Variants in LIPT1 observed in about 807,000 individuals in gnomAD.
LIPT1 encodes lipoyl amidotransferase LIPT1, mitochondrial.
A neutral mutation model predicts 25.1 loss-of-function variants in LIPT1; 22 were observed. That is an observed-to-expected ratio of 0.88 (90% CI 0.63 to 1.25). The LOEUF is 1.25. Ranked by LOEUF, LIPT1 falls within the 50% of genes most tolerant of loss-of-function variation. The pLI is 0.00. For synonymous variants in LIPT1, 131 were observed against 150.8 expected, an observed-to-expected ratio of 0.87 and a Z score of 0.96; for missense variants, 399 against 432.8, an observed-to-expected ratio of 0.92 and a Z score of 0.69.
chr2:99,155,108 G>GC (rs2093736524), intron 1 of LIPT1, 57 bp downstream of exon 1: 2 of 452,910 alleles, frequency 4.4e-6, no homozygotes. Flanking sequence ...CGCGTGGGCG[G>GC]CCGTGGGGTC....
Position 99,157,317 on chromosome 2 carries a change from C to T in LIPT1, c.-2+2266C>T, listed in dbSNP as rs115350396. Among the ~76,000 whole-genome samples the T allele has an allele frequency of 9.6e-3, 1,469 of 152,326 alleles. 15 individuals carry two copies. The highest frequency in any genetic ancestry group is 0.034 in the African/African-American group (1,395 of 41,574). On this transcript the variant is annotated intron_variant, in intron 1 of 1. Transcript: ENST00000651691. ...TCCTTTAAGGCTGCCCCTACCTGAA[C>T]TCTGGATCCCAGTACCATCACTTTC...
In LIPT1 at chr2:99,161,952, A is replaced by G. The variant is rs2093796541; in HGVS notation, c.-1-5A>G. The G allele has an allele frequency of 6.4e-7, 1 of 1,562,408 alleles. No individual in the cohort carries two copies. Among genetic ancestry groups the G allele is most frequent in the Non-Finnish European group, 8.7e-7 (1 of 1,155,300 alleles). On this transcript the variant is annotated splice_polypyrimidine_tract_variant and splice_region_variant and intron_variant, in intron 1 of 1. Transcript: ENST00000651691. ...ATTAATTTGTTTGTCTTCCATTTTT[A>G]AAAGCATGCTGATCCCATTTTCAAT...
At chr2:99,156,102 C>T (rs2516827) in intron 1 of LIPT1, among the ~76,000 whole-genome samples, 89,870 of 151,964 alleles carry the variant, frequency 0.59, 27,518 homozygotes, top group East Asian at 0.88. Flanking sequence ...CGGGGTTCAA[C>T]TGAAATGTCA....
At chr2:99,157,149 G>A (rs2093761257) in intron 1 of LIPT1, among the ~76,000 whole-genome samples, 1 of 152,176 alleles carries the variant, frequency 6.6e-6, no homozygotes, top group African/African-American at 2.4e-5. Flanking sequence ...TAACTACTTT[G>A]CCATCCTGCC....
At chr2:99,157,027 T>G (rs540658394) in intron 1 of LIPT1, among the ~76,000 whole-genome samples, 1 of 152,334 alleles carries the variant, frequency 6.6e-6, no homozygotes, top group South Asian at 2.1e-4. Flanking sequence ...TTAACACATT[T>G]AATTCTCTCA....
chr2:99,157,422 T>C (rs1254575418), intron 1 of LIPT1, among the ~76,000 whole-genome samples: 2 of 152,190 alleles, frequency 1.3e-5, no homozygotes, highest in Non-Finnish European at 2.9e-5. Context: ...TATTGCATCT[T>C]AAGTCCTCTC....
At chr2:99,158,659 C>A (rs1180173222) in intron 1 of LIPT1, among the ~76,000 whole-genome samples, 1 of 152,108 alleles carries the variant, frequency 6.6e-6, no homozygotes, top group East Asian at 1.9e-4. Context: ...TCCTAATAAC[C>A]AGCCAGTAGA....
At chr2:99,155,739 T>TA (rs888487666) in intron 1 of LIPT1, among the ~76,000 whole-genome samples, 1 of 152,004 alleles carries the variant, frequency 6.6e-6, no homozygotes, top group African/African-American at 2.4e-5. Context: ...GAGCATAGAA[T>TA]AAAAAAAGAG....
At chr2:99,155,177 G>A in intron 1 of LIPT1, 126 bp downstream of exon 1, 1 of 415,108 alleles carries the variant, frequency 2.4e-6, no homozygotes. Context: ...CTCCGCCGGT[G>A]TTGAAGCCTC....
intron 1 of LIPT1, 112 bp from the exon 2 acceptor site, chr2:99,161,839 AGCAACT>A (rs2093795225): frequency 3.6e-6 from 3 of 842,642 alleles, no homozygotes. Context: ...AAAAGCCAAA[AGCAACT>A]GCACTGGATA....
In LIPT1 at chr2:99,162,086, A is replaced by C; in HGVS notation, c.129A>C (p.Gln43His). 2 of 1,614,184 alleles carry C rather than the reference A, an allele frequency of 1.2e-6. No homozygotes were observed. The highest frequency in any genetic ancestry group is 1.7e-6 in the Non-Finnish European group (2 of 1,180,038). ...ILQSISNDVY[Q>H]NLAVEDWIHD... is the part of the protein sequence containing the mutation. ...AGTCAATTTCCAATGATGTCTATCA[A>C]AATCTGGCTGTGGAAGACTGGATCC... is the stretch of plus-strand genomic sequence containing the variant. Residue 43 changes from glutamine (Q) to histidine (H), a missense_variant, in exon 2 of 2, where the codon CAA becomes CAC. Transcript: ENST00000651691.
intron 1 of LIPT1, among the ~76,000 whole-genome samples, chr2:99,158,461 G>A (rs1336519453): frequency 2.0e-5 from 3 of 149,992 alleles, no homozygotes; most frequent in Non-Finnish European, 4.4e-5. Flanking sequence ...ATAGCCAGGC[G>A]TGGTGGCACA....
intron 1 of LIPT1, among the ~76,000 whole-genome samples, chr2:99,160,055 G>A (rs2093776550): frequency 6.6e-6 from 1 of 152,222 alleles, no homozygotes; most frequent in South Asian, 2.1e-4. Flanking sequence ...TACAACAAGA[G>A]TGATGAAAAT....
rs889847747 is a variant in LIPT1 at position 99,154,972 on chromosome 2, C to A, written c.-81C>A. On this transcript the variant is annotated 5_prime_UTR_variant, in exon 1 of 2. In the 5' UTR this introduces an upstream ATG that the reference lacks. Transcript: ENST00000651691. ...GGCGGGGCAGCATCGCGCGCAAGGC[C>A]TGCCGGTTGCTCGGGGTCGTATGAC... 13 of 455,696 alleles carry A rather than the reference C, an allele frequency of 2.9e-5. No homozygotes were observed. The highest frequency in any genetic ancestry group is 2.0e-4 in the African/African-American group (10 of 50,090). 28.2% of individuals were successfully genotyped at this position (455,696 alleles called of 1,614,324 possible). A position where few individuals can be genotyped will look rare whatever the true frequency, so the allele number is the denominator to read the frequency against.
intron 1 of LIPT1, among the ~76,000 whole-genome samples, chr2:99,160,655 CAT>C (rs1214518566): frequency 1.3e-5 from 2 of 152,188 alleles, no homozygotes; most frequent in African/African-American, 2.4e-5. Flanking sequence ...AGCATCCAAA[CAT>C]AGTGAATTTA....
chr2:99,158,668 G>T (rs542127574), intron 1 of LIPT1, among the ~76,000 whole-genome samples: 3 of 152,104 alleles, frequency 2.0e-5, no homozygotes, highest in Non-Finnish European at 4.4e-5. Context: ...CCAGCCAGTA[G>T]AATTAAATTA....
intron 1 of LIPT1, among the ~76,000 whole-genome samples, chr2:99,160,243 AC>A (rs2093777906): frequency 6.6e-6 from 1 of 152,158 alleles, no homozygotes; most frequent in African/African-American, 2.4e-5. Context: ...CCCCATCTCT[AC>A]AAAAAATTTA....
intron 1 of LIPT1, among the ~76,000 whole-genome samples, chr2:99,160,198 G>A (rs553507099): frequency 1.1e-4 from 16 of 152,246 alleles, no homozygotes; most frequent in South Asian, 4.1e-4. Flanking sequence ...CTGAAGCCCA[G>A]GAGTTCAAGA....
Position 99,159,197 on chromosome 2 carries a change from G to A in LIPT1, c.-1-2760G>A, listed in dbSNP as rs1392464569. ...CCTGCCTCGGCCTCCCAGAGCTGCT[G>A]GTACTACAGGCACCTGCCACCATGC... On this transcript the variant is annotated intron_variant, in intron 1 of 1. Coordinates refer to ENST00000651691, the MANE Select transcript of LIPT1 (RefSeq NM_145199.3). 2.6e-5 allele frequency among the ~76,000 whole-genome samples: 4 copies of A among 152,044 alleles called. No homozygotes were observed. In the South Asian group the frequency reaches 8.4e-4, roughly 32 times the overall value.
Sources: allele counts gnomAD v4.1 joint callset (sites outside exome capture counted in the v4.1 genomes callset), GRCh38; gene constraint gnomAD v4.1.1; transcripts MANE v1.5; gene names NCBI Gene and HGNC (gene_info 2026-07-23, HGNC 2026-07-21).